The following DCDC2C variants were observed in gnomAD, a reference collection of about 807,000 sequenced individuals.
The protein encoded by DCDC2C is doublecortin domain-containing protein 2C.
Under a neutral mutation model 45.0 loss-of-function variants are expected in DCDC2C, and 44 were observed. That is an observed-to-expected ratio of 0.98 (90% confidence interval 0.77 to 1.26). DCDC2C has a LOEUF of 1.26. DCDC2C is among the 50% of genes most tolerant of loss of function. The pLI, the probability that DCDC2C is intolerant of heterozygous loss-of-function variation, is 0.00. For missense variants in DCDC2C, 447 were observed against 468.9 expected (o/e 0.95, Z 0.43); for synonymous variants, 187 against 178.8 (o/e 1.05, Z -0.37).
intron 10 of DCDC2C, among the ~76,000 whole-genome samples, chr2:3,792,035 G>C (rs1670826475): frequency 1.3e-5 from 2 of 152,096 alleles, no homozygotes; most frequent in Non-Finnish European, 2.9e-5. Context: ...ATCTGTTACA[G>C]AAAATTGGTT....
chr2:3,838,792 C>T (rs1290123622), intron 10 of DCDC2C, among the ~76,000 whole-genome samples: 1 of 152,182 alleles, frequency 6.6e-6, no homozygotes, highest in Non-Finnish European at 1.5e-5. Flanking sequence ...GTCTGAAAAA[C>T]ATGTATGCCT....
intron 3 of DCDC2C, among the ~76,000 whole-genome samples, chr2:3,730,581 G>A (rs145976248): frequency 0.021 from 3,131 of 152,194 alleles, 46 homozygotes; most frequent in Middle Eastern, 0.058. Flanking sequence ...GGCAGCCCCC[G>A]CCCCCCGAGC....
At chr2:3,767,942 ATTT>A (rs11404437) in intron 7 of DCDC2C, 62 bp downstream of exon 7, 2 of 1,125,604 alleles carry the variant, frequency 1.8e-6, no homozygotes, top group Non-Finnish European at 2.3e-6. Context: ...AGAACATGGG[ATTT>A]TTTTTTTTTC....
chr2:3,812,140 T>C (rs1671414165), intron 10 of DCDC2C, among the ~76,000 whole-genome samples: 1 of 152,126 alleles, frequency 6.6e-6, no homozygotes, highest in Middle Eastern at 3.2e-3. Context: ...TGGAGTAGTT[T>C]CAGAAAGAAT....
intron 3 of DCDC2C, among the ~76,000 whole-genome samples, chr2:3,731,121 G>A (rs2148083581): frequency 6.6e-6 from 1 of 152,294 alleles, no homozygotes; most frequent in Middle Eastern, 3.4e-3. Flanking sequence ...CAGTTCTTGG[G>A]GGGCTAGCTT....
intron 10 of DCDC2C, among the ~76,000 whole-genome samples, chr2:3,822,110 AG>A (rs1329358682): frequency 2.0e-5 from 3 of 152,200 alleles, no homozygotes; most frequent in African/African-American, 7.2e-5. Context: ...TCTCTTACTC[AG>A]CATAATGTTT....
chr2:3,728,515 G>A (rs770917585), intron 3 of DCDC2C, among the ~76,000 whole-genome samples: 1 of 152,046 alleles, frequency 6.6e-6, no homozygotes, highest in Admixed American at 6.6e-5. Context: ...CGTGACCCAG[G>A]CCATCAATGA....
intron 6 of DCDC2C, among the ~76,000 whole-genome samples, chr2:3,756,290 A>G (rs1558211802): frequency 1.3e-5 from 2 of 152,114 alleles, no homozygotes; most frequent in South Asian, 4.1e-4. Context: ...ATTGACATTA[A>G]TATTTATTTG....
chr2:3,758,288 G>A (rs1231859921), intron 6 of DCDC2C, among the ~76,000 whole-genome samples: 1 of 152,216 alleles, frequency 6.6e-6, no homozygotes, highest in African/African-American at 2.4e-5. Context: ...CCTGTGGGCA[G>A]CCATGTTGTA....
chr2:3,820,696 G>C (rs1671667485), intron 10 of DCDC2C, among the ~76,000 whole-genome samples: 1 of 152,140 alleles, frequency 6.6e-6, no homozygotes. Flanking sequence ...AACTGGAATT[G>C]GAAGGACGGG....
chr2:3,727,188 C>A, intron 3 of DCDC2C, 109 bp downstream of exon 3: 1 of 840,974 alleles, frequency 1.2e-6, no homozygotes. Flanking sequence ...CCCTCCTCCC[C>A]TCCCCTCCCC....
At chr2:3,806,204 G>C (rs1179248594) in intron 10 of DCDC2C, among the ~76,000 whole-genome samples, 2 of 152,102 alleles carry the variant, frequency 1.3e-5, no homozygotes, top group African/African-American at 4.8e-5. Context: ...GACTCCCTTT[G>C]CTGCATTGTT....
chr2:3,730,576 C>T (rs916486548), intron 3 of DCDC2C, among the ~76,000 whole-genome samples: 2 of 152,062 alleles, frequency 1.3e-5, no homozygotes, highest in Non-Finnish European at 2.9e-5. Flanking sequence ...GCAAAGGCAG[C>T]CCCCGCCCCC....
rs1231528590 is a variant in DCDC2C, at chr2:3,748,385, G to T, written c.546-4378G>T. ...GGGGTGGGGGTGGGGAGTGTGTGGT[G>T]GGGGAGGTGATGCGGGAGGGGAGAG... On this transcript the variant is annotated intron_variant, in intron 4 of 10. Transcript: ENST00000399143. 1.2e-4 allele frequency among the ~76,000 whole-genome samples: 18 copies of T among 150,772 alleles called. No individual in the cohort carries two copies. In the East Asian group the frequency reaches 3.0e-3, roughly 25 times the overall value.
intron 6 of DCDC2C, among the ~76,000 whole-genome samples, chr2:3,759,401 G>A (rs555355148): frequency 6.8e-4 from 104 of 152,298 alleles, no homozygotes; most frequent in African/African-American, 2.4e-3. Context: ...TATTTTAAAT[G>A]GCACTTCCTT....
At chr2:3,726,926 T>C (rs1668705988) in intron 2 of DCDC2C, 77 bp from the exon 3 acceptor site, 1 of 1,293,034 alleles carries the variant, frequency 7.7e-7, no homozygotes, top group Admixed American at 2.0e-5. Flanking sequence ...TTTAGGGCAG[T>C]GCTGTGCACA....
chr2:3,752,636 C>A, intron 4 of DCDC2C, 127 bp from the exon 5 acceptor site: 1 of 1,156,938 alleles, frequency 8.6e-7, no homozygotes, highest in Non-Finnish European at 1.3e-6. Flanking sequence ...ATAACACGTG[C>A]TTACGATGAG....
chr2:3,709,794 A>G (rs1028789189), intron 2 of DCDC2C, among the ~76,000 whole-genome samples: 1 of 152,202 alleles, frequency 6.6e-6, no homozygotes, highest in African/African-American at 2.4e-5. Context: ...CATCCTTTGC[A>G]TATTTCAGTG....
intron 10 of DCDC2C, among the ~76,000 whole-genome samples, chr2:3,817,780 T>C (rs1240838743): frequency 1.3e-5 from 2 of 152,116 alleles, no homozygotes; most frequent in African/African-American, 4.8e-5. Context: ...GAGCAGCTTT[T>C]GGGGCTATTT....
Sources: allele counts gnomAD v4.1 joint callset (sites outside exome capture counted in the v4.1 genomes callset), GRCh38; gene constraint gnomAD v4.1.1; transcripts MANE v1.5; gene names NCBI Gene and HGNC (gene_info 2026-07-23, HGNC 2026-07-21).